The following MACROD2 variants were observed in gnomAD, a reference collection of about 807,000 sequenced individuals.
MACROD2 encodes the protein mono-ADP ribosylhydrolase 2.
Under a neutral mutation model 70.4 loss-of-function variants are expected in MACROD2, and 36 were observed. That is an observed-to-expected ratio of 0.51 (90% CI 0.39 to 0.68). The LOEUF is 0.68. Ranked by LOEUF, MACROD2 falls within the 30% of genes least tolerant of loss-of-function variation. The probability of loss-of-function intolerance (pLI) is 0.00; values close to 1 mark genes in which losing one functional copy is unlikely to be tolerated. For synonymous variants in MACROD2, 172 were observed against 178.8 expected (o/e 0.96, Z 0.30); for missense variants, 496 against 538.4 (o/e 0.92, Z 0.78).
At chr20:14,418,294 C>A (rs2083833676) in intron 3 of MACROD2, among the ~76,000 whole-genome samples, 1 of 152,106 alleles carries the variant, frequency 6.6e-6, no homozygotes, top group Admixed American at 6.5e-5. Context: ...TATTTCAAAA[C>A]AAACTAATGA....
intron 3 of MACROD2, among the ~76,000 whole-genome samples, chr20:14,167,985 A>C (rs1391286575): frequency 6.6e-6 from 1 of 152,166 alleles, no homozygotes; most frequent in East Asian, 1.9e-4. Context: ...ATTAAAGTTG[A>C]GTGGGCCCTA....
intron 5 of MACROD2, among the ~76,000 whole-genome samples, chr20:15,179,588 A>G (rs770769418): frequency 3.3e-5 from 5 of 152,182 alleles, no homozygotes; most frequent in Non-Finnish European, 5.9e-5. Flanking sequence ...CTCATTCTAA[A>G]TAAAGGAAAG....
At chr20:15,686,525 A>G (rs1462413767) in intron 8 of MACROD2, among the ~76,000 whole-genome samples, 1 of 152,192 alleles carries the variant, frequency 6.6e-6, no homozygotes, top group African/African-American at 2.4e-5. Flanking sequence ...TGAAACTAGA[A>G]TAGGTAGTAG....
At chr20:15,309,919 G>T (rs902563764) in intron 6 of MACROD2, among the ~76,000 whole-genome samples, 3 of 152,120 alleles carry the variant, frequency 2.0e-5, no homozygotes, top group Non-Finnish European at 4.4e-5. Context: ...TTCAGACAAA[G>T]GTTTAGAGTC....
chr20:14,861,639 A>G (rs1166305049), intron 5 of MACROD2, among the ~76,000 whole-genome samples: 1 of 151,830 alleles, frequency 6.6e-6, no homozygotes, highest in Non-Finnish European at 1.5e-5. Context: ...CAGAGCTCAC[A>G]ATAAACCCCA....
intron 3 of MACROD2, among the ~76,000 whole-genome samples, chr20:14,237,798 G>T (rs1331352357): frequency 2.7e-5 from 4 of 150,458 alleles, no homozygotes; most frequent in South Asian, 2.1e-4. Flanking sequence ...GCGGTGTTTG[G>T]TTTTTTTGTC....
rs2082573251 is a variant in MACROD2, at chr20:14,312,135, AC to A, written c.272-181343del. Among the ~76,000 whole-genome samples the A allele has an allele frequency of 1.3e-5, 2 of 152,106 alleles. 1 individual carries two copies. Among genetic ancestry groups the A allele is most frequent in the Admixed American group, 1.3e-4 (2 of 15,262 alleles). On this transcript the variant is annotated intron_variant, in intron 3 of 17. Coordinates refer to ENST00000684519, the MANE Select transcript of MACROD2 (RefSeq NM_001351661.2). ...CTGTGTTTGGGCACAGCTTCAACTG[AC>A]TCAGGGATTCTTAGCCTGCCTAGCC...
chr20:14,225,786 A>G (rs183433470), intron 3 of MACROD2, among the ~76,000 whole-genome samples: 2 of 152,182 alleles, frequency 1.3e-5, no homozygotes, highest in Non-Finnish European at 2.9e-5. Context: ...AGCTTAGGTG[A>G]TCCAAAATAT....
At chr20:14,014,704 T>C (rs1316920050) in intron 2 of MACROD2, among the ~76,000 whole-genome samples, 1 of 152,216 alleles carries the variant, frequency 6.6e-6, no homozygotes. Flanking sequence ...TGTTCACTTA[T>C]CATACCAGTT....
intron 8 of MACROD2, among the ~76,000 whole-genome samples, chr20:15,658,343 G>A (rs557912024): frequency 6.6e-6 from 1 of 151,352 alleles, no homozygotes; most frequent in South Asian, 2.1e-4. Context: ...TGCTTTCCTT[G>A]TATGTGCTTG....
intron 2 of MACROD2, among the ~76,000 whole-genome samples, chr20:14,026,421 C>G (rs540273199): frequency 1.3e-5 from 2 of 152,268 alleles, no homozygotes; most frequent in African/African-American, 4.8e-5. Flanking sequence ...TTAATTGATG[C>G]AGTTGCTTCA....
At chr20:14,441,193 C>A (rs1402506910) in intron 3 of MACROD2, among the ~76,000 whole-genome samples, 1 of 152,100 alleles carries the variant, frequency 6.6e-6, no homozygotes, top group Non-Finnish European at 1.5e-5. Flanking sequence ...GACCTTGCAC[C>A]TTTCACTTTT....
chr20:15,318,264 G>C (rs2077836027), intron 6 of MACROD2, among the ~76,000 whole-genome samples: 1 of 152,022 alleles, frequency 6.6e-6, no homozygotes, highest in Admixed American at 6.6e-5. Flanking sequence ...AAGCATACAA[G>C]GTAGCAAAAC....
intron 5 of MACROD2, among the ~76,000 whole-genome samples, chr20:14,752,952 T>G (rs1027059124): frequency 6.6e-6 from 1 of 152,098 alleles, no homozygotes; most frequent in Non-Finnish European, 1.5e-5. Context: ...GTCTGCAGAT[T>G]AGGACCCATA....
intron 5 of MACROD2, among the ~76,000 whole-genome samples, chr20:15,148,335 A>C (rs1168584835): frequency 6.6e-6 from 1 of 152,066 alleles, no homozygotes; most frequent in Non-Finnish European, 1.5e-5. Flanking sequence ...ACTAAACGGA[A>C]TAAGAGAAGG....
chr20:15,356,695 A>T (rs187283883), intron 6 of MACROD2, among the ~76,000 whole-genome samples: 134 of 152,272 alleles, frequency 8.8e-4, no homozygotes, highest in Middle Eastern at 3.4e-3. Context: ...GAGGCATGAG[A>T]ATCACTTGAA....
At chr20:14,482,329 T>C (rs964012779) in intron 3 of MACROD2, among the ~76,000 whole-genome samples, 1 of 151,846 alleles carries the variant, frequency 6.6e-6, no homozygotes, top group Middle Eastern at 3.4e-3. Context: ...GTAAGTAGAA[T>C]TGGCACTACT....
At chr20:14,236,039 G>A (rs148630277) in intron 3 of MACROD2, among the ~76,000 whole-genome samples, 28 of 152,138 alleles carry the variant, frequency 1.8e-4, no homozygotes, top group African/African-American at 6.7e-4. Context: ...AAATAACCAA[G>A]TTACTTAGCC....
intron 9 of MACROD2, among the ~76,000 whole-genome samples, chr20:15,868,608 T>C (rs866770516): frequency 4.7e-4 from 71 of 151,284 alleles, no homozygotes; most frequent in Middle Eastern, 3.4e-3. Flanking sequence ...CTTTTCTTTT[T>C]TTTTTTTTTT....
Sources: gnomAD v4.1 joint callset for allele counts (sites outside exome capture counted in the v4.1 genomes callset) on GRCh38, gnomAD v4.1.1 for gene constraint, MANE v1.5 for transcripts, NCBI Gene and HGNC (gene_info 2026-07-23, HGNC 2026-07-21) for gene names.